The following PRAP1 variants were observed in gnomAD, a reference collection of about 807,000 sequenced individuals.
PRAP1 encodes proline rich acidic protein 1.
PRAP1 carries 12 observed loss-of-function variants against 14.6 expected under a neutral mutation model. That is an observed-to-expected ratio of 0.82 (90% confidence interval 0.53 to 1.33). The LOEUF (loss-of-function observed/expected upper bound fraction) is 1.33, where lower values mean the gene tolerates loss of function less well. PRAP1 is among the 40% of genes most tolerant of loss of function. The pLI, the probability that PRAP1 is intolerant of heterozygous loss-of-function variation, is 0.00. For synonymous variants in PRAP1, 81 were observed against 80.3 expected (o/e 1.01, Z -0.04); for missense variants, 160 against 193.7 (o/e 0.83, Z 1.03).
In PRAP1 at chr10:133,351,836, T is replaced by A. The variant is rs1373639469; in HGVS notation, c.129-171T>A. Among the ~76,000 whole-genome samples, 2 of 152,212 alleles carry A rather than the reference T, an allele frequency of 1.3e-5. No individual in the cohort carries two copies. The highest frequency in any genetic ancestry group is 2.9e-5 in the Non-Finnish European group (2 of 68,026). On this transcript the variant is annotated intron_variant, in intron 3 of 4. Coordinates refer to ENST00000433452, the MANE Select transcript of PRAP1 (RefSeq NM_145202.5). The surrounding 1 kb of genome is among the most constrained non-coding windows in gnomAD (Gnocchi z 4.3). Reference sequence around the variant, plus strand: ...CACCCAGGGACGTGGTGTGGAAGCCTGGCCGGGAGCACTGGGGGCCACTCA... The same window carrying A: ...CACCCAGGGACGTGGTGTGGAAGCCAGGCCGGGAGCACTGGGGGCCACTCA...
rs1046837954 is a variant in PRAP1 at position 133,351,322 on chromosome 10, C to G, written c.76-59C>G. 30 of 1,468,896 alleles carry G rather than the reference C, an allele frequency of 2.0e-5. No homozygotes were observed. Among genetic ancestry groups the G allele is most frequent in the Middle Eastern group, 1.7e-4 (1 of 5,790 alleles). 91.0% of individuals were successfully genotyped at this position (1,468,896 alleles called of 1,614,324 possible). On this transcript the variant is annotated intron_variant, in intron 2 of 4. Transcript: ENST00000433452. This position sits in a 1 kb window ranked among gnomAD's most constrained non-coding sequence, Gnocchi z 4.3. The stretch of plus-strand genomic sequence containing the variant: ...AGGTGGGCCTCGGAGCAACCTCTCC[C>G]CAGGTGTCCTCCACCCGCGTGGACT...
intron 1 of PRAP1, among the ~76,000 whole-genome samples, chr10:133,349,309 AAC>A (rs1848638459): frequency 6.7e-6 from 1 of 149,178 alleles, no homozygotes; most frequent in African/African-American, 2.5e-5. Context: ...ACCACACACA[AAC>A]ACACATAACA....
Position 133,352,605 on chromosome 10 carries a change from C to T in PRAP1, c.*165C>T. 1 of 611,628 alleles carries T rather than the reference C, an allele frequency of 1.6e-6. No individual in the cohort carries two copies. Among genetic ancestry groups the T allele is most frequent in the South Asian group, 2.1e-5 (1 of 48,550 alleles). 37.9% of individuals were successfully genotyped at this position (611,628 alleles called of 1,614,324 possible). On this transcript the variant is annotated 3_prime_UTR_variant, in exon 5 of 5. Coordinates refer to ENST00000433452, the MANE Select transcript of PRAP1 (RefSeq NM_145202.5). Reference sequence around the variant, plus strand: ...TTTAGAGGCCGAGGCAGGCGGATCACCTGAAATCAGGAGTTCCAGACCAGC... The same window carrying T: ...TTTAGAGGCCGAGGCAGGCGGATCATCTGAAATCAGGAGTTCCAGACCAGC...
intron 1 of PRAP1, among the ~76,000 whole-genome samples, chr10:133,348,692 T>C (rs1589865718): frequency 1.3e-5 from 2 of 151,494 alleles, no homozygotes; most frequent in South Asian, 4.2e-4. Context: ...TTTTTTTTTT[T>C]TTTTTTTGTA....
rs745577117 is a variant in PRAP1 at position 133,350,083 on chromosome 10, G to GC, written c.9-5dup. The stretch of plus-strand genomic sequence containing the variant: ...CCCCTACCTCACACTTCCCTCTCTG[G>GC]CCCCCCCTCAGGCTCCTCCTGGTCA... On this transcript the variant is annotated splice_polypyrimidine_tract_variant and intron_variant, in intron 1 of 4. Transcript: ENST00000433452. 2.1e-5 allele frequency: 33 copies of GC among 1,608,738 alleles called. No homozygotes were observed. The highest frequency in any genetic ancestry group is 5.5e-5 in the African/African-American group (4 of 73,202).
At position 133,349,191 on chromosome 10, in the gene PRAP1, C is replaced by T. The variant is rs1848634848; in HGVS notation, c.9-904C>T. Among the ~76,000 whole-genome samples the T allele has an allele frequency of 2.6e-5, 4 of 151,336 alleles. No homozygotes were observed. The South Asian group carries it at 8.3e-4, about 32-fold the overall frequency. On this transcript the variant is annotated intron_variant, in intron 1 of 4. Transcript: ENST00000433452. ...CACCCACCCCCAAACCCTTACGCTC[C>T]ACCCCACACACAACATACATACACA...
Position 133,352,517 on chromosome 10 carries a change from C to T in PRAP1, c.*77C>T. 1 of 1,319,408 alleles carries T rather than the reference C, an allele frequency of 7.6e-7. No homozygotes were observed. The highest frequency in any genetic ancestry group is 2.1e-5 in the Admixed American group (1 of 47,046). 81.7% of individuals were successfully genotyped at this position (1,319,408 alleles called of 1,614,324 possible). The stretch of plus-strand genomic sequence containing the variant: ...GGACTGGGACCCTCCCTACCCTGCC[C>T]CAGCTAGACAAATAAACCCCAGCAG... On this transcript the variant is annotated 3_prime_UTR_variant, in exon 5 of 5. Transcript: ENST00000433452.
chr10:133,348,092 C>T (rs1848613148), intron 1 of PRAP1, among the ~76,000 whole-genome samples: 1 of 152,182 alleles, frequency 6.6e-6, no homozygotes, highest in Admixed American at 6.5e-5. Flanking sequence ...ACGGGGATCC[C>T]ACAGCCAGGC....
At chr10:133,348,680 ATT>A (rs58838469) in intron 1 of PRAP1, among the ~76,000 whole-genome samples, 32,868 of 138,072 alleles carry the variant, frequency 0.24, 4,900 homozygotes, top group African/African-American at 0.44. Flanking sequence ...CGCCTGGCTA[ATT>A]TTTTTTTTTT....
In PRAP1 at chr10:133,347,422, G is replaced by A. The variant is rs1848603897; in HGVS notation, c.5G>A (p.Arg2Lys). Reference sequence around the variant, plus strand: ...ACAGAGACGCGGACCCCAGACATGAGGAGGTAATGCCACCATCCCTGAGCC... The same window carrying A: ...ACAGAGACGCGGACCCCAGACATGAAGAGGTAATGCCACCATCCCTGAGCC... M[R>K]RLLLVTSLVV... The change falls in exon 1 of 5, where the codon AGG becomes AAG. Residue 2 changes from arginine (R) to lysine (K), a missense_variant. Physicochemically the swap from Arg to Lys is conservative, Grantham distance 26 (BLOSUM62 2). Transcript: ENST00000433452. The surrounding 1 kb of genome is among the most constrained non-coding windows in gnomAD (Gnocchi z 5.0). 6.2e-7 allele frequency: 1 copy of A among 1,612,380 alleles called. No individual in the cohort carries two copies.
rs1848679498 is a variant in PRAP1 at position 133,351,582 on chromosome 10, C to T, written c.128+149C>T. ...TTGGAAGGAGGGGGCACTCCAGCCT[C>T]ATGGGCATCTGTCAACAGCGCCCCA... is the stretch of plus-strand genomic sequence containing the variant. On this transcript the variant is annotated intron_variant, in intron 3 of 4. Coordinates refer to ENST00000433452, the MANE Select transcript of PRAP1 (RefSeq NM_145202.5). The surrounding 1 kb of genome is among the most constrained non-coding windows in gnomAD (Gnocchi z 4.3). 3 of 664,938 alleles carry T rather than the reference C, an allele frequency of 4.5e-6. No homozygotes were observed. The highest frequency in any genetic ancestry group is 2.7e-5 in the Admixed American group (1 of 36,874). The allele number at this position is 664,938 out of a possible 1,614,324, so 41.2% of individuals were successfully genotyped here.
Position 133,351,306 on chromosome 10 carries a change from TC to T in PRAP1, c.76-74del. 1 of 1,173,226 alleles carries T rather than the reference TC, an allele frequency of 8.5e-7. No homozygotes were observed. The highest frequency in any genetic ancestry group is 1.4e-5 in the South Asian group (1 of 70,922). The allele number at this position is 1,173,226 out of a possible 1,614,324, so 72.7% of individuals were successfully genotyped here. ...CACCCCATGCAGCCCCAGGTGGGCC[TC>T]GGAGCAACCTCTCCCCAGGTGTCCT... On this transcript the variant is annotated intron_variant, in intron 2 of 4. Coordinates refer to ENST00000433452, the MANE Select transcript of PRAP1 (RefSeq NM_145202.5). The surrounding 1 kb of genome is among the most constrained non-coding windows in gnomAD (Gnocchi z 4.3).
intron 1 of PRAP1, among the ~76,000 whole-genome samples, chr10:133,349,150 G>A (rs908518371): frequency 2.0e-5 from 3 of 147,848 alleles, no homozygotes; most frequent in African/African-American, 7.5e-5. Flanking sequence ...CACCACACAC[G>A]CATGCACACA....
chr10:133,351,431 GAAGT>G lies in PRAP1; in HGVS notation c.128+3_128+6del. On this transcript the variant is annotated splice_donor_variant and coding_sequence_variant, in exon 3 of 5. Transcript: ENST00000433452. LOFTEE classifies it high-confidence loss of function. This position sits in a 1 kb window ranked among gnomAD's most constrained non-coding sequence, Gnocchi z 4.3. The stretch of plus-strand genomic sequence containing the variant: ...ACTGGCCCTCAGAGCAGGACCCAGA[GAAGT>G]AAGTCCCCCCAACCCCACCTCCCCA... 1.2e-6 allele frequency: 2 copies of G among 1,607,886 alleles called. No individual in the cohort carries two copies. Among genetic ancestry groups the G allele is most frequent in the African/African-American group, 1.3e-5 (1 of 74,958 alleles).
At position 133,351,311 on chromosome 10, in the gene PRAP1, G is replaced by T; in HGVS notation, c.76-70G>T. Reference sequence around the variant, plus strand: ...CATGCAGCCCCAGGTGGGCCTCGGAGCAACCTCTCCCCAGGTGTCCTCCAC... The same window carrying T: ...CATGCAGCCCCAGGTGGGCCTCGGATCAACCTCTCCCCAGGTGTCCTCCAC... On this transcript the variant is annotated intron_variant, in intron 2 of 4. Coordinates refer to ENST00000433452, the MANE Select transcript of PRAP1 (RefSeq NM_145202.5). The surrounding 1 kb of genome is among the most constrained non-coding windows in gnomAD (Gnocchi z 4.3). 1 of 1,341,970 alleles carries T rather than the reference G, an allele frequency of 7.5e-7. No homozygotes were observed. The allele number at this position is 1,341,970 out of a possible 1,614,324, so 83.1% of individuals were successfully genotyped here.
chr10:133,347,676 C>G lies in PRAP1; in HGVS notation c.8+251C>G, dbSNP rs4838722. 6.6e-6 allele frequency among the ~76,000 whole-genome samples: 1 copy of G among 151,800 alleles called. No homozygotes were observed. The highest frequency in any genetic ancestry group is 6.6e-5 in the Admixed American group (1 of 15,252). On this transcript the variant is annotated intron_variant, in intron 1 of 4. Transcript: ENST00000433452. The surrounding 1 kb of genome is among the most constrained non-coding windows in gnomAD (Gnocchi z 5.0). Reference sequence around the variant, plus strand: ...GGAGAATCACCCAGGGACCCCCACCCGGAACAAGGAAAGGGGAGGTGCCAG... The same window carrying G: ...GGAGAATCACCCAGGGACCCCCACCGGGAACAAGGAAAGGGGAGGTGCCAG...
In PRAP1 at chr10:133,351,494, T is replaced by G; in HGVS notation, c.128+61T>G. The G allele has an allele frequency of 3.0e-6, 4 of 1,350,054 alleles. No homozygotes were observed. Among genetic ancestry groups the G allele is most frequent in the Non-Finnish European group, 4.1e-6 (4 of 964,018 alleles). The allele number at this position is 1,350,054 out of a possible 1,614,324, so 83.6% of individuals were successfully genotyped here. ...TCCCTGAAGCTACAGCCCGTTCTGC[T>G]GGGCCCTTCCTGAACCTGGAGAGCA... On this transcript the variant is annotated intron_variant, in intron 3 of 4. Transcript: ENST00000433452. The surrounding 1 kb of genome is among the most constrained non-coding windows in gnomAD (Gnocchi z 4.3).
chr10:133,352,335 TGAG>T lies in PRAP1; in HGVS notation c.357_359del (p.Glu119del). The T allele has an allele frequency of 1.2e-6, 2 of 1,613,020 alleles. No individual in the cohort carries two copies. The highest frequency in any genetic ancestry group is 1.1e-5 in the South Asian group (1 of 91,076). On this transcript the variant is annotated inframe_deletion, in exon 5 of 5. Coordinates refer to ENST00000433452, the MANE Select transcript of PRAP1 (RefSeq NM_145202.5). ...ATGACAGCCTGTACCACCCTCCGCC[TGAG>T]GAGGACCAGGGCGAGGAGAGGCCCC...
chr10:133,348,324 G>A (rs1385102142), intron 1 of PRAP1, among the ~76,000 whole-genome samples: 1 of 152,148 alleles, frequency 6.6e-6, no homozygotes, highest in African/African-American at 2.4e-5. Flanking sequence ...CCAGGTCCCG[G>A]CCCCGGGCTG....
Sources: allele counts gnomAD v4.1 joint callset (sites outside exome capture counted in the v4.1 genomes callset), GRCh38; gene constraint gnomAD v4.1.1; non-coding constraint Gnocchi (gnomAD v3.1); transcripts MANE v1.5; gene names NCBI Gene and HGNC (gene_info 2026-07-23, HGNC 2026-07-21).